The following IQSEC1 variants were observed in gnomAD, a reference collection of about 807,000 sequenced individuals.
IQSEC1 encodes IQ motif and Sec7 domain ArfGEF 1.
IQSEC1 carries 31 observed loss-of-function variants against 91.0 expected under a neutral mutation model. The observed-to-expected ratio is 0.34, with a 90% CI of 0.26 to 0.46. The LOEUF is 0.46. IQSEC1 is among the 20% of genes least tolerant of loss of function. The probability of loss-of-function intolerance (pLI) is 1.00; values close to 1 mark genes in which losing one functional copy is unlikely to be tolerated. For synonymous variants in IQSEC1, 699 were observed against 662.6 expected, an observed-to-expected ratio of 1.05 and a Z score of -0.84; for missense variants, 1,388 against 1,575.6, an observed-to-expected ratio of 0.88 and a Z score of 2.02.
chr3:13,030,084 G>A (rs951861384), intron 1 of IQSEC1, among the ~76,000 whole-genome samples: 2 of 152,140 alleles, frequency 1.3e-5, no homozygotes, highest in Admixed American at 6.5e-5. Context: ...GATTACAGGC[G>A]TGAGCCATCA....
At chr3:13,224,885 T>C (rs971752856) in intron 1 of IQSEC1, among the ~76,000 whole-genome samples, 15 of 152,156 alleles carry the variant, frequency 9.9e-5, no homozygotes, top group African/African-American at 3.6e-4. Flanking sequence ...AACAATTCCA[T>C]CAGCAAAGCA....
intron 1 of IQSEC1, among the ~76,000 whole-genome samples, chr3:13,177,111 G>A (rs184288078): frequency 6.6e-6 from 1 of 152,326 alleles, no homozygotes; most frequent in East Asian, 1.9e-4. Flanking sequence ...CGAATGTTCT[G>A]GAATTAGACA....
In IQSEC1 at chr3:13,100,822, C is replaced by CG. The variant is rs1040237169; in HGVS notation, c.303-53301dup. 4.7e-5 allele frequency among the ~76,000 whole-genome samples: 7 copies of CG among 148,824 alleles called. 1 individual carries two copies. Among genetic ancestry groups the CG allele is most frequent in the Admixed American group, 6.6e-5 (1 of 15,056 alleles). Reference sequence around the variant, plus strand: ...AAGACAGCTTCTGCTGCCACAGCGTCGGGGGGACCGACAGGAAACCCATAA... The same window carrying CG: ...AAGACAGCTTCTGCTGCCACAGCGTCGGGGGGGACCGACAGGAAACCCATAA... On this transcript the variant is annotated intron_variant, in intron 2 of 15. Transcript: ENST00000648114.
At chr3:13,254,447 T>C (rs1269699206) in intron 1 of IQSEC1, among the ~76,000 whole-genome samples, 1 of 152,224 alleles carries the variant, frequency 6.6e-6, no homozygotes, top group Non-Finnish European at 1.5e-5. Context: ...AAGGCTAAGA[T>C]GTGCCTGAAA....
At chr3:13,251,736 T>A (rs1455255420) in intron 1 of IQSEC1, among the ~76,000 whole-genome samples, 1 of 152,150 alleles carries the variant, frequency 6.6e-6, no homozygotes, top group East Asian at 1.9e-4. Flanking sequence ...AATATTCTAA[T>A]GAGACAGTCA....
intron 1 of IQSEC1, among the ~76,000 whole-genome samples, chr3:12,954,651 T>C (rs939436978): frequency 6.6e-6 from 1 of 152,202 alleles, no homozygotes; most frequent in African/African-American, 2.4e-5. Flanking sequence ...TTTCTGTCTC[T>C]CCCCTTGAGG....
intron 1 of IQSEC1, among the ~76,000 whole-genome samples, chr3:12,948,671 A>G (rs1699341718): frequency 6.6e-6 from 1 of 152,242 alleles, no homozygotes; most frequent in Non-Finnish European, 1.5e-5. Context: ...GTGAGGGTAC[A>G]AGATGAAAGC....
chr3:12,943,355 T>G (rs2125371091), intron 1 of IQSEC1, among the ~76,000 whole-genome samples: 1 of 152,326 alleles, frequency 6.6e-6, no homozygotes, highest in Non-Finnish European at 1.5e-5. Context: ...CTCGCAAGCC[T>G]TTTCACTGTG....
intron 1 of IQSEC1, among the ~76,000 whole-genome samples, chr3:13,186,347 G>A (rs1429760581): frequency 6.6e-6 from 1 of 152,122 alleles, no homozygotes; most frequent in Non-Finnish European, 1.5e-5. Context: ...GATCAAGGAG[G>A]AAACAGTGAC....
chr3:13,061,482 C>T (rs1705066692), intron 1 of IQSEC1, among the ~76,000 whole-genome samples: 2 of 152,180 alleles, frequency 1.3e-5, no homozygotes, highest in South Asian at 2.1e-4. Flanking sequence ...ATGTGCCAGC[C>T]CAGTGGTGCA....
chr3:12,991,051 G>T (rs534806140), intron 1 of IQSEC1, among the ~76,000 whole-genome samples: 42 of 152,308 alleles, frequency 2.8e-4, no homozygotes, highest in South Asian at 2.3e-3. Context: ...CGCTTGCTAT[G>T]ATGGCCCCAC....
At chr3:13,126,986 T>C (rs943844838) in intron 2 of IQSEC1, among the ~76,000 whole-genome samples, 2 of 152,230 alleles carry the variant, frequency 1.3e-5, no homozygotes, top group Non-Finnish European at 2.9e-5. Context: ...TTATATAAGG[T>C]ATGAGGTTCA....
chr3:13,043,400 C>G (rs996601625), intron 1 of IQSEC1, among the ~76,000 whole-genome samples: 3 of 152,194 alleles, frequency 2.0e-5, no homozygotes, highest in African/African-American at 7.2e-5. Context: ...GTCTGAGGCT[C>G]TGGGTCCCAG....
chr3:12,949,902 GA>G (rs1375902154), intron 1 of IQSEC1, among the ~76,000 whole-genome samples: 1 of 152,186 alleles, frequency 6.6e-6, no homozygotes, highest in Non-Finnish European at 1.5e-5. Flanking sequence ...CCAGGGGCAG[GA>G]GCTTCAGACA....
In IQSEC1 at chr3:13,067,524, A is replaced by G. The variant is rs1209171551; in HGVS notation, c.23+5468T>C. ...CCAACACATTCCAGGTAGTGCATGC[A>G]GTGGGGAAGGGGTGGGGAGGGACAG... On this transcript the variant is annotated intron_variant, in intron 1 of 13. Transcript: ENST00000613206. Among the ~76,000 whole-genome samples, 5 of 152,336 alleles carry G rather than the reference A, an allele frequency of 3.3e-5. No individual in the cohort carries two copies. The South Asian group carries it at 6.2e-4, about 19-fold the overall frequency.
Position 13,121,636 on chromosome 3 carries a change from C to T in IQSEC1, c.302+42468G>A, listed in dbSNP as rs1706424745. On this transcript the variant is annotated intron_variant, in intron 2 of 15. Coordinates refer to the IQSEC1 transcript ENST00000648114. Reference sequence around the variant, plus strand: ...TCTGAGAAGGCATCTGCCAATGCCTCGGGCAGCCAGGACCAAGGCCAGCGC... The same window carrying T: ...TCTGAGAAGGCATCTGCCAATGCCTTGGGCAGCCAGGACCAAGGCCAGCGC... Among the ~76,000 whole-genome samples, 3 of 152,174 alleles carry T rather than the reference C, an allele frequency of 2.0e-5. No individual in the cohort carries two copies. The South Asian group carries it at 6.2e-4, about 31-fold the overall frequency.
At chr3:13,198,224 G>A (rs1576291638) in intron 1 of IQSEC1, among the ~76,000 whole-genome samples, 1 of 152,290 alleles carries the variant, frequency 6.6e-6, no homozygotes, top group Admixed American at 6.5e-5. Context: ...ACATTAAAAG[G>A]TAATTTACTT....
At chr3:12,988,107 T>C (rs1204489831) in intron 1 of IQSEC1, among the ~76,000 whole-genome samples, 1 of 152,212 alleles carries the variant, frequency 6.6e-6, no homozygotes, top group East Asian at 1.9e-4. Context: ...GTCGATACAA[T>C]GAAATACTAT....
At position 12,901,042 on chromosome 3, in the gene IQSEC1, C is replaced by T; in HGVS notation, c.3286G>A (p.Ala1096Thr). ...TTGCTGCTGGTGGGGGGCGGCGGGG[C>T]AGGGGGCTGCCCATGGTGGTGCACT... ...HTVHHHGQPPAPPPPTSSKAK... is the reference protein window; with the variant it reads ...HTVHHHGQPPTPPPPTSSKAK... The change falls in exon 14 of 14, where the codon GCC (alanine) becomes ACC (threonine). Residue 1096 changes from alanine (A) to threonine (T), a missense_variant. This residue lies in a region of IQSEC1 where 329 missense variants were observed against 257.8 expected (regional missense o/e 1.28). Transcript: ENST00000613206. The T allele has an allele frequency of 6.5e-7, 1 of 1,542,174 alleles. No homozygotes were observed. The highest frequency in any genetic ancestry group is 8.7e-7 in the Non-Finnish European group (1 of 1,146,074).
Sources: allele counts gnomAD v4.1 joint callset (sites outside exome capture counted in the v4.1 genomes callset), GRCh38; gene constraint gnomAD v4.1.1; regional missense constraint gnomAD v4.1.1; transcripts MANE v1.5; gene names NCBI Gene and HGNC (gene_info 2026-07-23, HGNC 2026-07-21).